The following CNTN6 variants were observed in gnomAD, a reference collection of about 807,000 sequenced individuals.
The protein encoded by CNTN6 is contactin 6, also known as contactin-6.
Under a neutral mutation model 122.8 loss-of-function variants are expected in CNTN6, and 137 were observed. The observed-to-expected ratio is 1.12, with a 90% CI of 0.97 to 1.29. The LOEUF is 1.29. CNTN6 is among the 50% of genes most tolerant of loss of function. CNTN6 has a pLI of 0.00. For synonymous variants in CNTN6, 570 were observed against 426.0 expected, an observed-to-expected ratio of 1.34 and a Z score of -4.16; for missense variants, 1,634 against 1,223.4, an observed-to-expected ratio of 1.34 and a Z score of -5.01.
intron 7 of CNTN6, among the ~76,000 whole-genome samples, chr3:1,307,044 A>T (rs1373066024): frequency 6.6e-6 from 1 of 152,138 alleles, no homozygotes; most frequent in African/African-American, 2.4e-5. Flanking sequence ...GTCAGGAGGG[A>T]TTCTCCAAAG....
At chr3:1,312,481 A>T (rs565848709) in intron 7 of CNTN6, among the ~76,000 whole-genome samples, 2 of 152,144 alleles carry the variant, frequency 1.3e-5, no homozygotes, top group African/African-American at 4.8e-5. Context: ...GGGCTCAGGA[A>T]AAATAATAAG....
intron 2 of CNTN6, among the ~76,000 whole-genome samples, chr3:1,161,452 G>T (rs1253736917): frequency 1.3e-5 from 2 of 150,712 alleles, no homozygotes; most frequent in Non-Finnish European, 3.0e-5. Context: ...AATTAATTAT[G>T]ATATTATATA....
intron 1 of CNTN6, among the ~76,000 whole-genome samples, chr3:1,102,652 C>T (rs1434226864): frequency 8.7e-5 from 13 of 149,230 alleles, no homozygotes; most frequent in Non-Finnish European, 1.8e-4. Flanking sequence ...GGCGGGAACC[C>T]GGGGGGCGGA....
intron 7 of CNTN6, among the ~76,000 whole-genome samples, chr3:1,305,462 T>C (rs1310209958): frequency 6.6e-6 from 1 of 152,224 alleles, no homozygotes; most frequent in Non-Finnish European, 1.5e-5. Context: ...GGTGGACTCT[T>C]AATTATGAAA....
At chr3:1,401,578 A>G (rs555877527) in intron 21 of CNTN6, 33 bp downstream of exon 21, 11 of 1,430,502 alleles carry the variant, frequency 7.7e-6, no homozygotes, top group African/African-American at 1.4e-5. Flanking sequence ...AATCATATCA[A>G]TTAAGTTACT....
chr3:1,141,569 C>T (rs2092609152), intron 1 of CNTN6, among the ~76,000 whole-genome samples: 1 of 152,012 alleles, frequency 6.6e-6, no homozygotes, highest in East Asian at 1.9e-4. Flanking sequence ...TTCCTGCTAC[C>T]AATGTGAGAA....
At position 1,211,138 on chromosome 3, in the gene CNTN6, A is replaced by G. The variant is rs562728433; in HGVS notation, c.56-9549A>G. Among the ~76,000 whole-genome samples, 7 of 152,336 alleles carry G rather than the reference A, an allele frequency of 4.6e-5. No homozygotes were observed. In the South Asian group the frequency reaches 1.4e-3, roughly 32 times the overall value. ...GCAAATTAGACTTCTGCGGTAGAAG[A>G]TATTCTGGAGGTTCCAGGAGCCACG... On this transcript the variant is annotated intron_variant, in intron 2 of 22. Transcript: ENST00000446702.
At chr3:1,120,824 T>G (rs538755840) in intron 1 of CNTN6, among the ~76,000 whole-genome samples, 65 of 152,016 alleles carry the variant, frequency 4.3e-4, no homozygotes, top group African/African-American at 1.5e-3. Flanking sequence ...CATACAGATA[T>G]CTTGTTTTTC....
chr3:1,284,596 T>A (rs1694032658), intron 5 of CNTN6, among the ~76,000 whole-genome samples: 1 of 152,150 alleles, frequency 6.6e-6, no homozygotes, highest in African/African-American at 2.4e-5. Context: ...ATTTTAGTGA[T>A]AAAGTGGAAA....
intron 7 of CNTN6, among the ~76,000 whole-genome samples, chr3:1,300,150 T>C (rs550931575): frequency 1.3e-5 from 2 of 151,012 alleles, no homozygotes; most frequent in African/African-American, 4.9e-5. Context: ...CTAATTGTAA[T>C]TTTTTTTTGG....
intron 7 of CNTN6, among the ~76,000 whole-genome samples, chr3:1,314,289 C>A (rs958604424): frequency 6.6e-6 from 1 of 152,010 alleles, no homozygotes. Context: ...CAAAGGCATT[C>A]TTTGCTGGTT....
chr3:1,209,406 C>T (rs573022012), intron 2 of CNTN6, among the ~76,000 whole-genome samples: 1 of 152,110 alleles, frequency 6.6e-6, no homozygotes, highest in Non-Finnish European at 1.5e-5. Context: ...TGTGCAGCTT[C>T]TCTTCTTCAC....
intron 2 of CNTN6, among the ~76,000 whole-genome samples, chr3:1,166,968 G>T (rs545178780): frequency 1.3e-5 from 2 of 151,724 alleles, no homozygotes; most frequent in African/African-American, 4.8e-5. Flanking sequence ...GGATTAATAG[G>T]TGCAGCAAAC....
At chr3:1,126,735 C>G (rs2092174790) in intron 1 of CNTN6, among the ~76,000 whole-genome samples, 1 of 151,814 alleles carries the variant, frequency 6.6e-6, no homozygotes, top group African/African-American at 2.4e-5. Flanking sequence ...GAAACAATGT[C>G]TTGAGCCAAG....
chr3:1,402,336 A>G lies in CNTN6; in HGVS notation c.2836A>G (p.Arg946Gly). The change falls in exon 22 of 23, where the codon AGA (arginine) becomes GGA (glycine). Residue 946 changes from arginine to glycine, a missense_variant. Arg to Gly is a moderately radical substitution (Grantham distance 125). Transcript: ENST00000446702. ...LGYKILYRQNRQSKTHILETN... is the reference protein window; with the variant it reads ...LGYKILYRQNGQSKTHILETN... ...TATTCAGATTCTGTACCGGCAAAAC[A>G]GACAGAGTAAAACTCATATTTTGGA... The G allele has an allele frequency of 6.2e-7, 1 of 1,609,026 alleles. No individual in the cohort carries two copies. Among genetic ancestry groups the G allele is most frequent in the Non-Finnish European group, 8.5e-7 (1 of 1,177,586 alleles).
intron 11 of CNTN6, among the ~76,000 whole-genome samples, chr3:1,338,943 A>G: frequency 6.6e-6 from 1 of 152,090 alleles, no homozygotes; most frequent in Non-Finnish European, 1.5e-5. Flanking sequence ...ATAAAAATAA[A>G]TAATTAGAAA....
intron 4 of CNTN6, among the ~76,000 whole-genome samples, chr3:1,260,611 C>A (rs1035948204): frequency 6.6e-6 from 1 of 152,000 alleles, no homozygotes. Flanking sequence ...TGTGTCCCTG[C>A]CCAAATCTCA....
At chr3:1,389,314 G>A (rs1693722173) in intron 20 of CNTN6, among the ~76,000 whole-genome samples, 1 of 152,056 alleles carries the variant, frequency 6.6e-6, no homozygotes, top group Admixed American at 6.5e-5. Flanking sequence ...GCCAAACTAA[G>A]CTTCATAAGT....
At position 1,173,632 on chromosome 3, in the gene CNTN6, G is replaced by A. The variant is rs989448059; in HGVS notation, c.55+25569G>A. Among the ~76,000 whole-genome samples, 4 of 152,126 alleles carry A rather than the reference G, an allele frequency of 2.6e-5. No individual in the cohort carries two copies. The East Asian group carries it at 7.7e-4, about 29-fold the overall frequency. On this transcript the variant is annotated intron_variant, in intron 2 of 22. Transcript: ENST00000446702. ...CTTCTGTTGAGATTATTTTTTTACT[G>A]CCTGATCCACAATATTATTGTCATC...
Sources: allele counts gnomAD v4.1 joint callset (sites outside exome capture counted in the v4.1 genomes callset), GRCh38; gene constraint gnomAD v4.1.1; transcripts MANE v1.5; gene names NCBI Gene and HGNC (gene_info 2026-07-23, HGNC 2026-07-21).